The following RANBP2 variants were observed in gnomAD, a reference collection of about 807,000 sequenced individuals.
RANBP2 encodes E3 SUMO-protein ligase RanBP2.
Under a neutral mutation model 303.6 loss-of-function variants are expected in RANBP2, and 57 were observed. The observed-to-expected ratio is 0.19, with a 90% CI of 0.15 to 0.23. The LOEUF (loss-of-function observed/expected upper bound fraction) is 0.23. RANBP2 is among the 10% of genes least tolerant of loss of function. The pLI, the probability that RANBP2 is intolerant of heterozygous loss-of-function variation, is 1.00. For synonymous variants in RANBP2, 1,167 were observed against 1,301.5 expected (o/e 0.90, Z 2.23); for missense variants, 3,138 against 3,780.8 (o/e 0.83, Z 4.46).
At chr2:109,479,738 T>C in the RANBP2 span, among the ~76,000 whole-genome samples, 4 of 152,208 alleles carry the variant, frequency 2.6e-5, no homozygotes, top group Admixed American at 2.6e-4. Context: ...TGAACCCCCT[T>C]GTGAACCTGC....
the RANBP2 span, among the ~76,000 whole-genome samples, chr2:109,512,861 G>A: frequency 6.6e-4 from 101 of 152,190 alleles, 1 homozygote; most frequent in Non-Finnish European, 1.2e-3. Context: ...GGGAGCAGCC[G>A]CCTGCTATTC....
the RANBP2 span, among the ~76,000 whole-genome samples, chr2:109,159,655 G>C: frequency 1.3e-5 from 2 of 152,348 alleles, no homozygotes; most frequent in East Asian, 1.9e-4. Flanking sequence ...AGCAGGAGGT[G>C]AGTGGCGGGA....
chr2:109,136,487 T>G, the RANBP2 span, among the ~76,000 whole-genome samples: 1 of 152,156 alleles, frequency 6.6e-6, no homozygotes, highest in Non-Finnish European at 1.5e-5. Flanking sequence ...GCCTCCCTTT[T>G]CCCATTGAGT....
chr2:109,613,970 G>A, the RANBP2 span: 10 of 1,202,568 alleles, frequency 8.3e-6, no homozygotes, highest in Non-Finnish European at 1.0e-5. Context: ...GGAAGGGACA[G>A]GGGCGGGGCC....
the RANBP2 span, among the ~76,000 whole-genome samples, chr2:109,595,922 A>G: frequency 6.6e-6 from 1 of 152,224 alleles, no homozygotes; most frequent in Non-Finnish European, 1.5e-5. Context: ...CGGACCTAAC[A>G]TACTACCTGC....
the RANBP2 span, among the ~76,000 whole-genome samples, chr2:109,555,479 C>T: frequency 6.6e-6 from 1 of 152,268 alleles, no homozygotes; most frequent in East Asian, 1.9e-4. Flanking sequence ...TCCCCTGTTG[C>T]AGGCCAAAAG....
At chr2:108,987,617 G>A in the RANBP2 span, among the ~76,000 whole-genome samples, 1 of 152,204 alleles carries the variant, frequency 6.6e-6, no homozygotes, top group African/African-American at 2.4e-5. Context: ...CCAAAGACTG[G>A]TCCTTCCAAG....
rs1008746979 is a variant in RANBP2, at chr2:108,735,969, T to C, written c.637-135T>C. 6.3e-6 allele frequency: 10 copies of C among 1,585,250 alleles called. No homozygotes were observed. In the African/African-American group the frequency reaches 1.1e-4, roughly 17 times the overall value. ...GATAAATGTATATATTTTTGGTGTT[T>C]TATAAGGTCGATATAAAAATCAATA... On this transcript the variant is annotated intron_variant, in intron 5 of 28. Coordinates refer to ENST00000283195, the MANE Select transcript of RANBP2 (RefSeq NM_006267.5).
the RANBP2 span, chr2:108,794,721 G>A: frequency 6.2e-7 from 1 of 1,601,094 alleles, no homozygotes; most frequent in Non-Finnish European, 8.5e-7. Context: ...TGAAATTGCA[G>A]GTAAGAACTA....
chr2:108,764,474 T>C lies in RANBP2; in HGVS notation c.3935T>C (p.Val1312Ala), dbSNP rs1558920283. The change falls in exon 20 of 29, where the codon GTA becomes GCA. Residue 1312 changes from valine to alanine, a missense_variant. Around this residue, in one of 20 missense-constraint regions of RANBP2, gnomAD observed 388 missense variants for 328.5 expected, o/e 1.18. Transcript: ENST00000283195. ...QSILKAPGTN[V>A]AMASNQAVRI... is the part of the protein sequence containing the mutation. ...ATTTTAAAAGCCCCAGGAACAAATG[T>C]AGCCATGGCGTCAAATCAGGCTGTC... is the stretch of plus-strand genomic sequence containing the variant. 1.2e-5 allele frequency: 20 copies of C among 1,614,004 alleles called. No individual in the cohort carries two copies. Among genetic ancestry groups the C allele is most frequent in the Non-Finnish European group, 1.7e-5 (20 of 1,179,966 alleles).
At chr2:109,495,259 G>A in the RANBP2 span, among the ~76,000 whole-genome samples, 1 of 152,216 alleles carries the variant, frequency 6.6e-6, no homozygotes, top group Non-Finnish European at 1.5e-5. Context: ...CATCAGGTTA[G>A]AACCGTCTAA....
rs3096769 is a variant in RANBP2 at position 108,770,851 on chromosome 2, C to T, written c.7850-850C>T. Among the ~76,000 whole-genome samples, 332 of 152,150 alleles carry T rather than the reference C, an allele frequency of 2.2e-3. 3 individuals are homozygous for T. The highest frequency in any genetic ancestry group is 7.2e-3 in the African/African-American group (300 of 41,512). On this transcript the variant is annotated intron_variant, in intron 20 of 28. Transcript: ENST00000283195. ...TGTGTGTTTACACTTACTGTTAGCA[C>T]GTCTTGATTTGGACTAGCCACCTTG...
chr2:109,515,921 C>T, the RANBP2 span, among the ~76,000 whole-genome samples: 2 of 152,300 alleles, frequency 1.3e-5, no homozygotes, highest in East Asian at 3.9e-4. Context: ...ACCCAAACAC[C>T]GCCTGCCAGG....
chr2:109,342,843 C>T, the RANBP2 span, among the ~76,000 whole-genome samples: 4 of 152,312 alleles, frequency 2.6e-5, no homozygotes, highest in East Asian at 7.7e-4. Context: ...GAGTAATGAG[C>T]CATGAAATTG....
the RANBP2 span, among the ~76,000 whole-genome samples, chr2:109,407,921 CACAG>C: frequency 6.6e-6 from 1 of 152,202 alleles, no homozygotes; most frequent in African/African-American, 2.4e-5. Context: ...GCTTACCAAT[CACAG>C]TGCAGGGTGC....
At chr2:109,353,581 C>T in the RANBP2 span, among the ~76,000 whole-genome samples, 2 of 152,208 alleles carry the variant, frequency 1.3e-5, no homozygotes, top group South Asian at 2.1e-4. Context: ...TGCCCTGTGT[C>T]ACCTGGCCAG....
the RANBP2 span, among the ~76,000 whole-genome samples, chr2:109,398,007 C>A: frequency 2.0e-5 from 3 of 152,332 alleles, no homozygotes; most frequent in African/African-American, 7.2e-5. Flanking sequence ...TATGCTCAGG[C>A]CAGCTTCTGG....
At chr2:109,140,230 C>T in the RANBP2 span, among the ~76,000 whole-genome samples, 1,359 of 152,322 alleles carry the variant, frequency 8.9e-3, 5 homozygotes, top group Middle Eastern at 0.017. Context: ...ATGTGGTTGA[C>T]GCACGTGTTT....
chr2:109,079,384 T>G, the RANBP2 span, among the ~76,000 whole-genome samples: 8 of 152,198 alleles, frequency 5.3e-5, no homozygotes, highest in Non-Finnish European at 1.0e-4. Flanking sequence ...CTGTCAACAC[T>G]AGGGTATTAA....
Sources: allele counts gnomAD v4.1 joint callset (sites outside exome capture counted in the v4.1 genomes callset), GRCh38; gene constraint gnomAD v4.1.1; regional missense constraint gnomAD v4.1.1; transcripts MANE v1.5; gene names NCBI Gene and HGNC (gene_info 2026-07-23, HGNC 2026-07-21).